The following CYP3A7 variants were observed in gnomAD, a reference collection of about 807,000 sequenced individuals.
The protein encoded by CYP3A7 is cytochrome P450 3A7.
A neutral mutation model predicts 55.2 loss-of-function variants in CYP3A7; 45 were observed. The observed-to-expected ratio is 0.82, with a 90% CI of 0.64 to 1.05. The LOEUF (loss-of-function observed/expected upper bound fraction) is 1.05. CYP3A7 is among the 50% of genes least tolerant of loss of function. The pLI is 0.00. For missense variants in CYP3A7, 548 were observed against 605.3 expected, an observed-to-expected ratio of 0.91 and a Z score of 0.99; for synonymous variants, 180 against 207.4, an observed-to-expected ratio of 0.87 and a Z score of 1.13.
intron 1 of CYP3A7, among the ~76,000 whole-genome samples, chr7:99,733,342 C>T (rs917543158): frequency 2.6e-5 from 4 of 152,184 alleles, no homozygotes; most frequent in Admixed American, 2.6e-4. Flanking sequence ...GATTCCACGT[C>T]AAGGCAGAGG....
chr7:99,712,817 A>G (rs1394434074), intron 9 of CYP3A7, among the ~76,000 whole-genome samples: 4 of 152,316 alleles, frequency 2.6e-5, no homozygotes, highest in Middle Eastern at 3.4e-3. Flanking sequence ...CATGGCCATC[A>G]TTTTGCCACT....
intron 1 of CYP3A7, among the ~76,000 whole-genome samples, chr7:99,731,498 G>A (rs1411958816): frequency 6.6e-6 from 1 of 152,192 alleles, no homozygotes; most frequent in Non-Finnish European, 1.5e-5. Flanking sequence ...TTTTTAGTAA[G>A]TGGACTCTTC....
chr7:99,705,601 A>G lies in CYP3A7; in HGVS notation c.1417-6T>C, dbSNP rs201727053. ...AAGCGTAATTTCAGGGGGATCTGCA[A>G]CAGTTAAACGAGCATATTGAGAAGC... On this transcript the variant is annotated splice_region_variant and splice_polypyrimidine_tract_variant and intron_variant, in intron 12 of 12. Coordinates refer to ENST00000336374, the MANE Select transcript of CYP3A7 (RefSeq NM_000765.5). The G allele has an allele frequency of 1.9e-6, 3 of 1,613,114 alleles. No homozygotes were observed. Among genetic ancestry groups the G allele is most frequent in the Non-Finnish European group, 2.5e-6 (3 of 1,179,426 alleles).
At chr7:99,708,850 A>T (rs771493615) in intron 11 of CYP3A7, among the ~76,000 whole-genome samples, 185 bp downstream of exon 11, 2 of 152,142 alleles carry the variant, frequency 1.3e-5, no homozygotes, top group African/African-American at 2.4e-5. Context: ...GACTGGCTAT[A>T]GTTTTCTTTT....
rs1403835592 is a variant in CYP3A7 at position 99,720,333 on chromosome 7, A to G, written c.298T>C (p.Ser100Pro). Residue 100 changes from serine (S) to proline (P), a missense_variant, in exon 4 of 13, where the codon TCT becomes CCT. Coordinates refer to ENST00000336374, the MANE Select transcript of CYP3A7 (RefSeq NM_000765.5). ...CTTACCCTCCGGTTTGTGAAGACAG[A>G]ATAACATTCTTTCACTAGCACTGTT... ...IKTVLVKECY[S>P]VFTNRRPFGP... 1 of 1,613,404 alleles carries G rather than the reference A, an allele frequency of 6.2e-7. No individual in the cohort carries two copies. The highest frequency in any genetic ancestry group is 8.5e-7 in the Non-Finnish European group (1 of 1,179,736).
chr7:99,728,211 GTCATT>G (rs1455482691), intron 2 of CYP3A7, among the ~76,000 whole-genome samples: 2 of 152,016 alleles, frequency 1.3e-5, no homozygotes, highest in African/African-American at 4.8e-5. Flanking sequence ...CTATTCTGTT[GTCATT>G]TCATGACCTC....
At chr7:99,730,337 A>C (rs887514729) in intron 2 of CYP3A7, among the ~76,000 whole-genome samples, 3 of 152,218 alleles carry the variant, frequency 2.0e-5, no homozygotes, top group African/African-American at 7.2e-5. Flanking sequence ...TAAATATCTG[A>C]GGTTAATAGA....
intron 3 of CYP3A7, 62 bp downstream of exon 3, chr7:99,722,234 T>C: frequency 2.5e-6 from 4 of 1,603,310 alleles, no homozygotes; most frequent in Non-Finnish European, 2.6e-6. Flanking sequence ...CTATCCTCTG[T>C]GCAGTGGGGT....
At chr7:99,723,211 T>C (rs1814272363) in intron 2 of CYP3A7, among the ~76,000 whole-genome samples, 1 of 152,074 alleles carries the variant, frequency 6.6e-6, no homozygotes, top group Non-Finnish European at 1.5e-5. Context: ...AACCAAAAAC[T>C]ACAAATAGGT....
chr7:99,709,564 G>A (rs1813665840), intron 10 of CYP3A7, among the ~76,000 whole-genome samples: 1 of 152,120 alleles, frequency 6.6e-6, no homozygotes, highest in South Asian at 2.1e-4. Flanking sequence ...ATGACTAATA[G>A]GCTATGACCA....
chr7:99,724,553 C>T (rs1160577244), intron 2 of CYP3A7, among the ~76,000 whole-genome samples: 5 of 152,172 alleles, frequency 3.3e-5, no homozygotes, highest in Admixed American at 1.3e-4. Context: ...CATCTGACCT[C>T]TCCCCTCCCC....
chr7:99,712,395 A>T (rs939268114), intron 9 of CYP3A7, among the ~76,000 whole-genome samples: 2 of 152,226 alleles, frequency 1.3e-5, no homozygotes, highest in African/African-American at 4.8e-5. Context: ...CTGCTGTCCA[A>T]TGTGGTAGCC....
At chr7:99,718,176 G>A (rs1266031725) in intron 4 of CYP3A7, among the ~76,000 whole-genome samples, 2 of 152,118 alleles carry the variant, frequency 1.3e-5, no homozygotes, top group Admixed American at 1.3e-4. Flanking sequence ...AATGTTAAAT[G>A]ATGAGTTAAT....
At chr7:99,709,308 A>T in intron 10 of CYP3A7, 47 bp from the exon 11 acceptor site, 1 of 1,591,206 alleles carries the variant, frequency 6.3e-7, no homozygotes, top group Non-Finnish European at 8.6e-7. Flanking sequence ...TTTTGAATTA[A>T]CTTTTAACTC....
chr7:99,708,351 A>C (rs148359307), intron 11 of CYP3A7, among the ~76,000 whole-genome samples: 1 of 152,306 alleles, frequency 6.6e-6, no homozygotes, highest in Non-Finnish European at 1.5e-5. Flanking sequence ...GTTGGTCATG[A>C]GGAAGGAGAA....
At chr7:99,726,520 A>T (rs1295915539) in intron 2 of CYP3A7, among the ~76,000 whole-genome samples, 1 of 152,118 alleles carries the variant, frequency 6.6e-6, no homozygotes, top group Non-Finnish European at 1.5e-5. Flanking sequence ...GATCTTAAAG[A>T]TGCTTTTTTC....
chr7:99,717,163 G>A lies in CYP3A7; in HGVS notation c.521+14C>T. ...CATGACAGCTCAGAACCCCATGGCTGTGCTCCTACTTACTGTTTCAAGGTG... is the reference window on the plus strand; with the variant it reads ...CATGACAGCTCAGAACCCCATGGCTATGCTCCTACTTACTGTTTCAAGGTG... On this transcript the variant is annotated intron_variant, in intron 6 of 12. Coordinates refer to ENST00000336374, the MANE Select transcript of CYP3A7 (RefSeq NM_000765.5). 17 of 1,613,776 alleles carry A rather than the reference G, an allele frequency of 1.1e-5. No individual in the cohort carries two copies. The highest frequency in any genetic ancestry group is 1.4e-5 in the Non-Finnish European group (17 of 1,179,754).
chr7:99,709,640 C>T (rs971913494), intron 10 of CYP3A7, among the ~76,000 whole-genome samples: 1 of 152,102 alleles, frequency 6.6e-6, no homozygotes, highest in Admixed American at 6.5e-5. Context: ...ACGTCTGTAA[C>T]CAAGGAAGTG....
rs147989242 is a variant in CYP3A7 at position 99,713,779 on chromosome 7, A to G, written c.799-244T>C. On this transcript the variant is annotated intron_variant, in intron 8 of 12. Coordinates refer to ENST00000336374, the MANE Select transcript of CYP3A7 (RefSeq NM_000765.5). ...CTTTTTGGTCTTTTCCCTGGTCCTA[A>G]CTGCATACCCATGAAGAAGTCCTGG... Among the ~76,000 whole-genome samples, 926 of 152,266 alleles carry G rather than the reference A, an allele frequency of 6.1e-3. 8 individuals carry two copies. The Middle Eastern group carries it at 0.065, about 11-fold the overall frequency.
Sources: gnomAD v4.1 joint callset for allele counts (sites outside exome capture counted in the v4.1 genomes callset) on GRCh38, gnomAD v4.1.1 for gene constraint, MANE v1.5 for transcripts, NCBI Gene and HGNC (gene_info 2026-07-23, HGNC 2026-07-21) for gene names.